Variants in ZMYND8 observed in about 807,000 individuals in gnomAD.
ZMYND8 encodes MYND-type zinc finger-containing chromatin reader ZMYND8.
In ZMYND8, 37 loss-of-function variants were observed where a neutral mutation model predicts 140.8. The observed-to-expected ratio is 0.26, with a 90% CI of 0.20 to 0.35. ZMYND8 has a LOEUF of 0.35. Among genes scored for constraint, ZMYND8 ranks in the 10% least tolerant of loss-of-function variants. The pLI, the probability that ZMYND8 is intolerant of heterozygous loss-of-function variation, is 1.00. For missense variants in ZMYND8, 1,068 were observed against 1,570.0 expected (o/e 0.68, Z 5.40); for synonymous variants, 592 against 597.1 (o/e 0.99, Z 0.12).
chr20:47,344,550 G>A (rs1180104997), intron 2 of ZMYND8, among the ~76,000 whole-genome samples: 1 of 152,222 alleles, frequency 6.6e-6, no homozygotes. Flanking sequence ...TAAATGTAAT[G>A]AGGAATCCTG....
At chr20:47,300,519 A>C (rs2077943930) in intron 3 of ZMYND8, among the ~76,000 whole-genome samples, 1 of 152,240 alleles carries the variant, frequency 6.6e-6, no homozygotes, top group South Asian at 2.1e-4. Context: ...TCAGATTTCT[A>C]ATACAGACCT....
intron 19 of ZMYND8, among the ~76,000 whole-genome samples, chr20:47,223,609 G>A (rs1418143747): frequency 1.3e-5 from 2 of 152,072 alleles, no homozygotes; most frequent in East Asian, 3.9e-4. Flanking sequence ...TGGATCACCT[G>A]AGGTCAGGAG....
At chr20:47,305,716 A>G (rs1433255894) in intron 3 of ZMYND8, among the ~76,000 whole-genome samples, 1 of 152,174 alleles carries the variant, frequency 6.6e-6, no homozygotes, top group Non-Finnish European at 1.5e-5. Flanking sequence ...TTTCTTTGCT[A>G]TATTTGATCA....
At chr20:47,345,096 G>A (rs1043253326) in intron 2 of ZMYND8, among the ~76,000 whole-genome samples, 6 of 152,156 alleles carry the variant, frequency 3.9e-5, no homozygotes, top group Non-Finnish European at 7.3e-5. Flanking sequence ...GATACAGTGA[G>A]CTATGATCAT....
At chr20:47,355,296 C>A (rs544061077) in intron 1 of ZMYND8, among the ~76,000 whole-genome samples, 20 of 152,300 alleles carry the variant, frequency 1.3e-4, no homozygotes, top group Non-Finnish European at 2.5e-4. Context: ...CAAACAGTCA[C>A]CTAAAATCAA....
At chr20:47,245,883 G>A (rs1166347245) in intron 14 of ZMYND8, 125 bp downstream of exon 14, 3 of 1,363,184 alleles carry the variant, frequency 2.2e-6, no homozygotes, top group African/African-American at 2.9e-5. Flanking sequence ...CTCTCTCTCA[G>A]TGTGTTAGAG....
At position 47,214,533 on chromosome 20, in the gene ZMYND8, G is replaced by A. The variant is rs75209193; in HGVS notation, c.3485-1808C>T. Among the ~76,000 whole-genome samples, 1,133 of 152,196 alleles carry A rather than the reference G, an allele frequency of 7.4e-3. 34 individuals carry two copies. The East Asian group carries it at 0.096, about 13-fold the overall frequency. ...TTTTGAGACACAGTCTCACTCTGTC[G>A]CCCAGACTGGAATGCAGTGGCACGG... On this transcript the variant is annotated intron_variant, in intron 21 of 22. Transcript: ENST00000471951.
At chr20:47,244,099 C>A (rs188451920) in intron 14 of ZMYND8, among the ~76,000 whole-genome samples, 1 of 152,326 alleles carries the variant, frequency 6.6e-6, no homozygotes, top group Non-Finnish European at 1.5e-5. Flanking sequence ...TCCAGAGCAG[C>A]CCAGGTTGAC....
intron 2 of ZMYND8, chr20:47,319,120 GC>G (rs776367626): frequency 1.5e-5 from 17 of 1,138,996 alleles, no homozygotes; most frequent in Non-Finnish European, 1.9e-5. Flanking sequence ...TACCAGGCCA[GC>G]CCCGGTCTTG....
chr20:47,239,049 C>A lies in ZMYND8; in HGVS notation c.2374G>T (p.Ala792Ser). 1 of 1,577,102 alleles carries A rather than the reference C, an allele frequency of 6.3e-7. No individual in the cohort carries two copies. The change falls in exon 15 of 23, where the codon GCG becomes TCG. Residue 792 changes from alanine (A) to serine (S), a missense_variant. By Grantham distance (99) the Ala-to-Ser change is moderately conservative (BLOSUM62 1). Transcript: ENST00000471951. ...VLTRSSAQTS[A>S]AGATATTSTS... is the part of the protein sequence containing the mutation. Reference sequence around the variant, plus strand: ...CTGGTGGTGGCTGTGGCGCCAGCCGCGGAAGTTTGGGCGGAAGAGCGGGTG... The same window carrying A: ...CTGGTGGTGGCTGTGGCGCCAGCCGAGGAAGTTTGGGCGGAAGAGCGGGTG...
intron 2 of ZMYND8, chr20:47,320,454 C>T (rs2079844097): frequency 6.6e-6 from 1 of 152,448 alleles, no homozygotes; most frequent in Admixed American, 6.5e-5. Context: ...CATGGTGGCT[C>T]ACGCCTGTAA....
intron 11 of ZMYND8, among the ~76,000 whole-genome samples, chr20:47,264,663 C>CT (rs1372148565): frequency 2.1e-5 from 3 of 141,002 alleles, no homozygotes; most frequent in African/African-American, 7.5e-5. Flanking sequence ...CATTCCTTCA[C>CT]TGGGGGGGGC....
chr20:47,333,429 C>T (rs1225041405), intron 2 of ZMYND8, among the ~76,000 whole-genome samples: 1 of 151,752 alleles, frequency 6.6e-6, no homozygotes, highest in African/African-American at 2.4e-5. Context: ...GGTGAAACCC[C>T]GTCTCTACTA....
chr20:47,348,163 T>C (rs2082486865), intron 1 of ZMYND8: 1 of 537,426 alleles, frequency 1.9e-6, no homozygotes, highest in Non-Finnish European at 3.3e-6. Flanking sequence ...CCAGTTGTCA[T>C]GCTATTGGGG....
At chr20:47,350,427 T>C (rs1021531187) in intron 1 of ZMYND8, among the ~76,000 whole-genome samples, 55 of 152,032 alleles carry the variant, frequency 3.6e-4, no homozygotes, top group African/African-American at 1.3e-3. Context: ...GACTTCCTTT[T>C]TCCTACACCA....
intron 21 of ZMYND8, among the ~76,000 whole-genome samples, chr20:47,213,050 A>C (rs1409093107): frequency 6.6e-6 from 1 of 152,218 alleles, no homozygotes; most frequent in African/African-American, 2.4e-5. Flanking sequence ...TAATTCAACC[A>C]TGGGAAACGG....
Position 47,349,833 on chromosome 20 carries a change from A to G in ZMYND8, c.15-1907T>C, listed in dbSNP as rs1392061233. ...ATCTACAGTGGTGAGGGAAACAATT[A>G]TGCAGAACTGAGCCAAAAAAAACCC... is the stretch of plus-strand genomic sequence containing the variant. On this transcript the variant is annotated intron_variant, in intron 1 of 22. Transcript: ENST00000471951. The G allele has an allele frequency of 1.2e-5, 18 of 1,526,798 alleles. No homozygotes were observed. The Admixed American group carries it at 1.4e-4, about 12-fold the overall frequency. 94.6% of individuals were successfully genotyped at this position (1,526,798 alleles called of 1,614,324 possible).
chr20:47,258,499 A>G (rs914625977), intron 12 of ZMYND8, among the ~76,000 whole-genome samples: 1 of 152,222 alleles, frequency 6.6e-6, no homozygotes, highest in East Asian at 1.9e-4. Context: ...CACCACAACC[A>G]AAACACAGAG....
At position 47,276,634 on chromosome 20, in the gene ZMYND8, G is replaced by A. The variant is rs757585814; in HGVS notation, c.1160C>T (p.Thr387Ile). ...ATACTGGCTGTTGGGTGTGTAGGGT[G>A]TCCTAAATGGAGAGTAATTAAAAAC... ...FGVFNYSPFR[T>I]PYTPNSQYQM... is the part of the protein sequence containing the mutation. The change falls in exon 11 of 23, where the codon ACA becomes ATA. Residue 387 changes from threonine (T) to isoleucine (I), a missense_variant. Coordinates refer to ENST00000471951, the MANE Select transcript of ZMYND8 (RefSeq NM_001281775.3). 1 of 1,613,876 alleles carries A rather than the reference G, an allele frequency of 6.2e-7. No individual in the cohort carries two copies. The highest frequency in any genetic ancestry group is 1.1e-5 in the South Asian group (1 of 91,078).
Sources: allele counts gnomAD v4.1 joint callset (sites outside exome capture counted in the v4.1 genomes callset), GRCh38; gene constraint gnomAD v4.1.1; transcripts MANE v1.5; gene names NCBI Gene and HGNC (gene_info 2026-07-23, HGNC 2026-07-21).